SLC1A3: variants seen among roughly 807,000 people sequenced by gnomAD.
SLC1A3 encodes the protein solute carrier family 1 member 3.
A neutral mutation model predicts 48.1 loss-of-function variants in SLC1A3; 21 were observed. That is an observed-to-expected ratio of 0.44 (90% CI 0.31 to 0.63). SLC1A3 has a LOEUF of 0.63. Ranked by LOEUF, SLC1A3 falls within the 20% of genes least tolerant of loss-of-function variation. SLC1A3 has a pLI of 0.08. For missense variants in SLC1A3, 546 were observed against 689.0 expected, an observed-to-expected ratio of 0.79 and a Z score of 2.32; for synonymous variants, 239 against 251.4, an observed-to-expected ratio of 0.95 and a Z score of 0.47.
At chr5:36,629,080 C>CT (rs909646296) in intron 2 of SLC1A3, among the ~76,000 whole-genome samples, 5 of 151,920 alleles carry the variant, frequency 3.3e-5, no homozygotes, top group East Asian at 1.9e-4. Context: ...AAAATAAAGC[C>CT]TTTTTTTTCT....
chr5:36,656,789 C>T (rs1474757235), intron 3 of SLC1A3, among the ~76,000 whole-genome samples: 3 of 152,184 alleles, frequency 2.0e-5, no homozygotes, highest in Non-Finnish European at 2.9e-5. Flanking sequence ...ATACTGAGTT[C>T]CTGCAGTGTT....
chr5:36,615,893 T>C (rs1434438515), intron 2 of SLC1A3, among the ~76,000 whole-genome samples: 1 of 152,160 alleles, frequency 6.6e-6, no homozygotes, highest in Non-Finnish European at 1.5e-5. Context: ...CTATACTCAC[T>C]GAGTATAAAA....
chr5:36,676,648 A>ATGTGTG (rs3051481), intron 5 of SLC1A3, among the ~76,000 whole-genome samples: 2 of 150,040 alleles, frequency 1.3e-5, no homozygotes, highest in African/African-American at 4.9e-5. Context: ...GAGTGTGTGT[A>ATGTGTG]TGTGTGTGTG....
At chr5:36,600,755 T>C (rs933668303) in intron 1 of SLC1A3, among the ~76,000 whole-genome samples, 1 of 152,200 alleles carries the variant, frequency 6.6e-6, no homozygotes, top group Non-Finnish European at 1.5e-5. Flanking sequence ...AATCAATCCA[T>C]AGGCACGACA....
chr5:36,658,914 A>G (rs1418612470), intron 3 of SLC1A3, among the ~76,000 whole-genome samples: 2 of 152,208 alleles, frequency 1.3e-5, no homozygotes, highest in East Asian at 1.9e-4. Flanking sequence ...AGAGATGTCA[A>G]ACTAACTCCA....
chr5:36,665,011 G>A (rs1193321051), intron 3 of SLC1A3, among the ~76,000 whole-genome samples: 2 of 150,706 alleles, frequency 1.3e-5, no homozygotes, highest in Admixed American at 1.3e-4. Flanking sequence ...TCCCAGCTCT[G>A]GAAATGAAAC....
At chr5:36,679,923 G>A in intron 7 of SLC1A3, 63 bp downstream of exon 7, 1 of 1,155,808 alleles carries the variant, frequency 8.7e-7, no homozygotes, top group Non-Finnish European at 1.3e-6. Context: ...CCCTCAAGTA[G>A]GGTGTAGGAG....
intron 5 of SLC1A3, 117 bp from the exon 6 acceptor site, chr5:36,676,775 T>C (rs1179246626): frequency 2.6e-6 from 2 of 775,902 alleles, no homozygotes; most frequent in Non-Finnish European, 4.1e-6. Flanking sequence ...ATAACACTCA[T>C]CTCTGAATAC....
chr5:36,645,923 A>T (rs181372422), intron 3 of SLC1A3, among the ~76,000 whole-genome samples: 1 of 152,324 alleles, frequency 6.6e-6, no homozygotes, highest in East Asian at 1.9e-4. Context: ...CATGGTACAG[A>T]TTATTGCTCA....
At chr5:36,604,920 G>A (rs1420989459), upstream of SLC1A3, among the ~76,000 whole-genome samples, 2 of 108,052 alleles carry the variant, frequency 1.9e-5, no homozygotes, top group Non-Finnish European at 3.7e-5. Context: ...GGGGGGGGGT[G>A]TGCAAATTAA....
At chr5:36,674,759 T>C (rs1420119582) in intron 5 of SLC1A3, among the ~76,000 whole-genome samples, 1 of 152,186 alleles carries the variant, frequency 6.6e-6, no homozygotes, top group Non-Finnish European at 1.5e-5. Flanking sequence ...TTCAAATTCA[T>C]TGTGTTGACT....
intron 3 of SLC1A3, among the ~76,000 whole-genome samples, chr5:36,666,663 T>C (rs1177576884): frequency 1.3e-5 from 2 of 152,230 alleles, no homozygotes; most frequent in East Asian, 3.8e-4. Flanking sequence ...TCCATGCCAA[T>C]GATGGAAACT....
intron 3 of SLC1A3, among the ~76,000 whole-genome samples, chr5:36,666,709 C>G (rs772910080): frequency 1.3e-5 from 2 of 152,188 alleles, no homozygotes; most frequent in Non-Finnish European, 2.9e-5. Flanking sequence ...TCCTTTAATA[C>G]TTGACTGAAT....
intron 1 of SLC1A3, among the ~76,000 whole-genome samples, chr5:36,599,349 G>T (rs753861449): frequency 6.6e-6 from 1 of 152,102 alleles, no homozygotes; most frequent in South Asian, 2.1e-4. Flanking sequence ...AAATTTGGCA[G>T]TTTTATTTCC....
At chr5:36,670,127 T>C (rs1335729147) in intron 3 of SLC1A3, among the ~76,000 whole-genome samples, 2 of 152,196 alleles carry the variant, frequency 1.3e-5, no homozygotes, top group Non-Finnish European at 2.9e-5. Flanking sequence ...TCTTTTCCAA[T>C]AGTTTTTCAG....
At chr5:36,619,828 C>A (rs1739593949) in intron 2 of SLC1A3, among the ~76,000 whole-genome samples, 1 of 152,092 alleles carries the variant, frequency 6.6e-6, no homozygotes. Context: ...TTTTTTGACT[C>A]ATTAAATGCT....
chr5:36,597,119 G>A (rs961745232), intron 1 of SLC1A3, among the ~76,000 whole-genome samples: 1 of 151,394 alleles, frequency 6.6e-6, no homozygotes, highest in African/African-American at 2.4e-5. Context: ...TGCTGTGGTT[G>A]GTGTTACTGC....
chr5:36,677,281 C>A, intron 6 of SLC1A3, 97 bp downstream of exon 6: 2 of 1,023,182 alleles, frequency 2.0e-6, no homozygotes, highest in Non-Finnish European at 3.0e-6. Flanking sequence ...GCAGGATGGC[C>A]AATTGCAGTT....
intron 3 of SLC1A3, among the ~76,000 whole-genome samples, chr5:36,633,973 G>A (rs376754574): frequency 1.3e-5 from 2 of 152,066 alleles, no homozygotes; most frequent in Admixed American, 6.6e-5. Flanking sequence ...CGACTCCCCC[G>A]CTCTTGTAGT....
Sources: gnomAD v4.1 joint callset for allele counts (sites outside exome capture counted in the v4.1 genomes callset) on GRCh38, gnomAD v4.1.1 for gene constraint, MANE v1.5 for transcripts, NCBI Gene and HGNC (gene_info 2026-07-23, HGNC 2026-07-21) for gene names.